The following TMEM132D variants were observed in gnomAD, a reference collection of about 807,000 sequenced individuals.
The protein encoded by TMEM132D is mature OL transmembrane protein.
Under a neutral mutation model 62.3 loss-of-function variants are expected in TMEM132D, and 21 were observed. That is an observed-to-expected ratio of 0.34 (90% confidence interval 0.24 to 0.49). The LOEUF (loss-of-function observed/expected upper bound fraction) is 0.49. Ranked by LOEUF, TMEM132D falls within the 20% of genes least tolerant of loss-of-function variation. The pLI is 0.99. For missense variants in TMEM132D, 1,346 were observed against 1,402.8 expected (o/e 0.96, Z 0.65); for synonymous variants, 621 against 575.6 (o/e 1.08, Z -1.13).
chr12:129,690,433 G>A (rs1439546056), intron 2 of TMEM132D, among the ~76,000 whole-genome samples: 1 of 152,066 alleles, frequency 6.6e-6, no homozygotes, highest in Non-Finnish European at 1.5e-5. Flanking sequence ...AACATGATTT[G>A]CCTATATGAT....
intron 5 of TMEM132D, among the ~76,000 whole-genome samples, chr12:129,184,778 T>G (rs1440620466): frequency 6.6e-6 from 1 of 152,064 alleles, no homozygotes; most frequent in South Asian, 2.1e-4. Flanking sequence ...GGACACACTT[T>G]CTCTTTCTTA....
chr12:129,555,547 A>C lies in TMEM132D; in HGVS notation c.969-24342T>G, dbSNP rs561648353. Among the ~76,000 whole-genome samples, 138 of 152,334 alleles carry C rather than the reference A, an allele frequency of 9.1e-4. 2 individuals are homozygous for C. The South Asian group carries it at 0.027, about 30-fold the overall frequency. ...TAAAATGACATTCGAAAGTCATCAG[A>C]AGAAGAAAAATGTTTTTGGACCTTC... On this transcript the variant is annotated intron_variant, in intron 2 of 8. Transcript: ENST00000422113.
chr12:129,233,884 A>C (rs1240046447), intron 4 of TMEM132D, among the ~76,000 whole-genome samples: 2 of 152,162 alleles, frequency 1.3e-5, no homozygotes, highest in Admixed American at 1.3e-4. Context: ...AAAGTAAAGT[A>C]TATATTTTTT....
rs769502311 is a variant in TMEM132D at position 129,250,138 on chromosome 12, C to T, written c.1300-40475G>A. 1.1e-4 allele frequency among the ~76,000 whole-genome samples: 16 copies of T among 152,250 alleles called. No individual in the cohort carries two copies. The East Asian group carries it at 2.7e-3, about 26-fold the overall frequency. Reference sequence around the variant, plus strand: ...AATGGAGACGTCAAGGGAAACCCTGCAAGAATGCAGGCGGGGTAGCAAATA... The same window carrying T: ...AATGGAGACGTCAAGGGAAACCCTGTAAGAATGCAGGCGGGGTAGCAAATA... On this transcript the variant is annotated intron_variant, in intron 4 of 8. Coordinates refer to ENST00000422113, the MANE Select transcript of TMEM132D (RefSeq NM_133448.3).
chr12:129,674,978 T>A (rs983446753), intron 2 of TMEM132D, among the ~76,000 whole-genome samples: 1 of 152,222 alleles, frequency 6.6e-6, no homozygotes, highest in Non-Finnish European at 1.5e-5. Flanking sequence ...GGATCCTGAA[T>A]AAAGTTTACT....
chr12:129,629,438 G>C (rs11060473), intron 2 of TMEM132D, among the ~76,000 whole-genome samples: 31,232 of 152,086 alleles, frequency 0.21, 3,946 homozygotes, highest in Admixed American at 0.28. Flanking sequence ...TTTCAGAAAT[G>C]AATCTTTCAA....
At chr12:129,177,897 T>C (rs1356028383) in intron 5 of TMEM132D, among the ~76,000 whole-genome samples, 1 of 152,206 alleles carries the variant, frequency 6.6e-6, no homozygotes, top group Non-Finnish European at 1.5e-5. Context: ...GTCCATTAGC[T>C]ATTCTTCCTG....
intron 1 of TMEM132D, among the ~76,000 whole-genome samples, chr12:129,829,191 G>A (rs1454203503): frequency 6.6e-6 from 1 of 151,918 alleles, no homozygotes; most frequent in Non-Finnish European, 1.5e-5. Flanking sequence ...TGGCATCAAA[G>A]CACAATGAGA....
intron 3 of TMEM132D, among the ~76,000 whole-genome samples, chr12:129,425,537 C>G (rs59332103): frequency 0.022 from 3,354 of 152,096 alleles, 103 homozygotes; most frequent in African/African-American, 0.076. Flanking sequence ...ACAATAAACA[C>G]GCATATGACT....
intron 4 of TMEM132D, among the ~76,000 whole-genome samples, chr12:129,275,220 G>A (rs1880972673): frequency 6.6e-6 from 1 of 152,060 alleles, no homozygotes; most frequent in African/African-American, 2.4e-5. Flanking sequence ...TTCAATTGCT[G>A]TAGTGAGCCA....
At chr12:129,715,743 C>A (rs1380070833) in intron 1 of TMEM132D, among the ~76,000 whole-genome samples, 9 of 152,212 alleles carry the variant, frequency 5.9e-5, no homozygotes, top group Admixed American at 2.0e-4. Flanking sequence ...TGCTTATTTA[C>A]ATCTATATGA....
intron 1 of TMEM132D, among the ~76,000 whole-genome samples, chr12:129,899,488 T>C (rs1176921542): frequency 6.8e-6 from 1 of 147,806 alleles, no homozygotes; most frequent in Non-Finnish European, 1.5e-5. Context: ...GATGGGTAGA[T>C]GATGGATGGA....
At chr12:129,089,113 GGGGTGTCCTCTATGACC>G (rs1476272971) in intron 5 of TMEM132D, among the ~76,000 whole-genome samples, 1 of 50,000 alleles carries the variant, frequency 2.0e-5, no homozygotes, top group Non-Finnish European at 3.3e-5. Context: ...CTCCATGACC[GGGGTGTCCTCTATGACC>G]GGGTGTCCTC....
chr12:129,462,909 G>A (rs1873729041), intron 3 of TMEM132D, among the ~76,000 whole-genome samples: 1 of 152,124 alleles, frequency 6.6e-6, no homozygotes. Context: ...TGTATGAGAA[G>A]GGCAAAGAGA....
chr12:129,792,739 C>T (rs1871436889), intron 1 of TMEM132D, among the ~76,000 whole-genome samples: 1 of 152,126 alleles, frequency 6.6e-6, no homozygotes, highest in Non-Finnish European at 1.5e-5. Flanking sequence ...AAAAAAAGTT[C>T]TTTAAGAAGT....
intron 3 of TMEM132D, among the ~76,000 whole-genome samples, chr12:129,423,174 A>G (rs1872380898): frequency 1.3e-5 from 2 of 152,210 alleles, no homozygotes; most frequent in African/African-American, 4.8e-5. Context: ...ATGCACACAC[A>G]TACACACATA....
At chr12:129,085,978 C>G (rs1393239303) in intron 5 of TMEM132D, 6 of 152,222 alleles carry the variant, frequency 3.9e-5, no homozygotes, top group Admixed American at 2.0e-4. Flanking sequence ...TATCCACATC[C>G]TCATCCTTGG....
chr12:129,291,576 G>T (rs1881446911), intron 4 of TMEM132D, among the ~76,000 whole-genome samples: 2 of 152,130 alleles, frequency 1.3e-5, no homozygotes, highest in Non-Finnish European at 2.9e-5. Context: ...CAGAACAAAG[G>T]CTACGGAAAA....
At chr12:129,407,545 A>C (rs889876170) in intron 3 of TMEM132D, among the ~76,000 whole-genome samples, 1 of 152,190 alleles carries the variant, frequency 6.6e-6, no homozygotes, top group Non-Finnish European at 1.5e-5. Flanking sequence ...ATTAAAATAC[A>C]TGAATCTGTT....
Sources: allele counts gnomAD v4.1 joint callset (sites outside exome capture counted in the v4.1 genomes callset), GRCh38; gene constraint gnomAD v4.1.1; transcripts MANE v1.5; gene names NCBI Gene and HGNC (gene_info 2026-07-23, HGNC 2026-07-21).